Variants in INSC observed in about 807,000 individuals in gnomAD.
INSC encodes INSC spindle orientation adaptor protein.
In INSC, 67 loss-of-function variants were observed where a neutral mutation model predicts 58.6. The observed-to-expected ratio is 1.14, with a 90% CI of 0.94 to 1.40. The LOEUF is 1.40. Among genes scored for constraint, INSC ranks in the 40% most tolerant of loss-of-function variants. The pLI, the probability that INSC is intolerant of heterozygous loss-of-function variation, is 0.00. For synonymous variants in INSC, 262 were observed against 276.1 expected, an observed-to-expected ratio of 0.95 and a Z score of 0.51; for missense variants, 714 against 692.0, an observed-to-expected ratio of 1.03 and a Z score of -0.36.
At chr11:15,255,736 ATGTGTGTGTGTG>A in the INSC span, among the ~76,000 whole-genome samples, 1 of 147,912 alleles carries the variant, frequency 6.8e-6, no homozygotes, top group Admixed American at 6.7e-5. Flanking sequence ...AAGTGTGTGT[ATGTGTGTGTGTG>A]TGTGTGTGTG....
intron 1 of INSC, among the ~76,000 whole-genome samples, chr11:15,144,181 A>G (rs1305082688): frequency 1.3e-5 from 2 of 152,214 alleles, no homozygotes; most frequent in South Asian, 4.1e-4. Flanking sequence ...ACTCTTAAGC[A>G]AAGGGATATT....
At chr11:15,123,561 G>A (rs1489820421) in intron 1 of INSC, among the ~76,000 whole-genome samples, 1 of 152,194 alleles carries the variant, frequency 6.6e-6, no homozygotes, top group Non-Finnish European at 1.5e-5. Flanking sequence ...TGGGGTGCCT[G>A]CCAACCATGT....
intron 7 of INSC, among the ~76,000 whole-genome samples, chr11:15,209,497 CT>C (rs1850937562): frequency 6.6e-6 from 1 of 152,110 alleles, no homozygotes. Context: ...TCTGGACCTC[CT>C]TCCCGACTGT....
intron 9 of INSC, among the ~76,000 whole-genome samples, chr11:15,232,999 T>C (rs774218684): frequency 1.3e-5 from 2 of 152,218 alleles, no homozygotes; most frequent in African/African-American, 4.8e-5. Flanking sequence ...TTTAAGCCAC[T>C]GAGTTTGCGA....
intron 5 of INSC, among the ~76,000 whole-genome samples, chr11:15,187,214 C>T (rs1850002375): frequency 6.6e-6 from 1 of 152,166 alleles, no homozygotes; most frequent in Non-Finnish European, 1.5e-5. Flanking sequence ...GTGGAAGCTT[C>T]AAGGCCTTTT....
chr11:15,198,417 G>A (rs1004981377), intron 6 of INSC, among the ~76,000 whole-genome samples: 2 of 152,098 alleles, frequency 1.3e-5, no homozygotes, highest in Non-Finnish European at 2.9e-5. Context: ...AGAATCCAGT[G>A]CAAATGCATG....
At chr11:15,128,678 C>T (rs909457980) in intron 1 of INSC, among the ~76,000 whole-genome samples, 3 of 152,152 alleles carry the variant, frequency 2.0e-5, no homozygotes, top group Non-Finnish European at 4.4e-5. Context: ...GATGAGAGAA[C>T]CTGCCACCAC....
Position 15,245,949 on chromosome 11 carries a change from G to A in INSC, c.1508G>A (p.Gly503Asp), listed in dbSNP as rs1169512566. Residue 503 changes from glycine to aspartate, a missense_variant, in exon 13 of 13, where the codon GGC becomes GAC. Physicochemically the swap from Gly to Asp is moderately conservative, Grantham distance 94. Coordinates refer to ENST00000379556, the MANE Select transcript of INSC (RefSeq NM_001042536.3). The part of the protein sequence containing the change: ...LRRLAGVCPE[G>D]LQDSDFQQLV... ...AGATTGGCTGGGGTCTGCCCTGAAG[G>A]CCTCCAGGACTCTGACTTTCAGCAG... 6.2e-7 allele frequency: 1 copy of A among 1,614,074 alleles called. No individual in the cohort carries two copies. The highest frequency in any genetic ancestry group is 1.7e-5 in the Admixed American group (1 of 60,004).
At position 15,204,913 on chromosome 11, in the gene INSC, C is replaced by T. The variant is rs551436361; in HGVS notation, c.819+3964C>T. 3.5e-3 allele frequency among the ~76,000 whole-genome samples: 538 copies of T among 152,296 alleles called. 1 individual carries two copies. The highest frequency in any genetic ancestry group is 0.012 in the African/African-American group (512 of 41,550). ...GAGGTTCATTAAATCCTGCACAGCC[C>T]CCAGCGGAGTTGTGGGTCTAGACAG... On this transcript the variant is annotated intron_variant, in intron 7 of 12. Coordinates refer to ENST00000379556, the MANE Select transcript of INSC (RefSeq NM_001042536.3).
intron 1 of INSC, among the ~76,000 whole-genome samples, chr11:15,115,741 C>T (rs961859316): frequency 1.3e-5 from 2 of 152,172 alleles, no homozygotes; most frequent in Non-Finnish European, 2.9e-5. Flanking sequence ...AGCATACACA[C>T]ATTCCTGTCC....
At chr11:15,245,583 G>A (rs1302473144) in intron 12 of INSC, among the ~76,000 whole-genome samples, 1 of 152,094 alleles carries the variant, frequency 6.6e-6, no homozygotes, top group African/African-American at 2.4e-5. Context: ...TGAATTTATG[G>A]ATGAATGAAT....
chr11:15,125,101 G>T (rs1220208774), intron 1 of INSC, among the ~76,000 whole-genome samples: 1 of 152,156 alleles, frequency 6.6e-6, no homozygotes, highest in Non-Finnish European at 1.5e-5. Context: ...GTGGGAGGTG[G>T]TTTATATATT....
chr11:15,183,163 C>T (rs1358067571), intron 5 of INSC, among the ~76,000 whole-genome samples: 1 of 151,890 alleles, frequency 6.6e-6, no homozygotes, highest in East Asian at 1.9e-4. Context: ...GCCTGACCAA[C>T]ATAAAGAAAC....
intron 9 of INSC, among the ~76,000 whole-genome samples, chr11:15,229,066 G>A (rs982277402): frequency 1.3e-5 from 2 of 152,102 alleles, no homozygotes; most frequent in East Asian, 1.9e-4. Flanking sequence ...GGTAGGAAAC[G>A]GGCTGCCTCC....
intron 8 of INSC, among the ~76,000 whole-genome samples, chr11:15,225,391 G>A (rs1011279556): frequency 6.6e-6 from 1 of 152,158 alleles, no homozygotes; most frequent in African/African-American, 2.4e-5. Flanking sequence ...GACCCCAGTG[G>A]CACCTGACAC....
chr11:15,196,754 T>C (rs1454958070), intron 6 of INSC, among the ~76,000 whole-genome samples: 1 of 152,234 alleles, frequency 6.6e-6, no homozygotes, highest in Non-Finnish European at 1.5e-5. Flanking sequence ...CTAAGGGCTT[T>C]ATACAAATAA....
chr11:15,135,729 A>G (rs1848229574), intron 1 of INSC, among the ~76,000 whole-genome samples: 1 of 152,202 alleles, frequency 6.6e-6, no homozygotes, highest in Admixed American at 6.5e-5. Flanking sequence ...GTGTTTATTC[A>G]AAACATGGTT....
intron 9 of INSC, among the ~76,000 whole-genome samples, chr11:15,228,864 G>C (rs1225709035): frequency 2.0e-5 from 3 of 152,176 alleles, no homozygotes; most frequent in Non-Finnish European, 4.4e-5. Context: ...ACGTTGGTGA[G>C]GGCAGCCTTG....
chr11:15,228,070 T>TA (rs1447430080), intron 9 of INSC, among the ~76,000 whole-genome samples: 1 of 152,228 alleles, frequency 6.6e-6, no homozygotes, highest in Non-Finnish European at 1.5e-5. Context: ...AGAATTAAAT[T>TA]AATTAATAAA....
Sources: gnomAD v4.1 joint callset for allele counts (sites outside exome capture counted in the v4.1 genomes callset) on GRCh38, gnomAD v4.1.1 for gene constraint, MANE v1.5 for transcripts, NCBI Gene and HGNC (gene_info 2026-07-23, HGNC 2026-07-21) for gene names.